Variants in USP28 observed in about 807,000 individuals in gnomAD.
The protein encoded by USP28 is ubiquitin specific peptidase 28, also known as ubiquitin carboxyl-terminal hydrolase 28.
In USP28, 113 loss-of-function variants were observed where a neutral mutation model predicts 145.0. The ratio of observed to expected loss-of-function variants is 0.78; its 90% CI spans 0.67 to 0.91. The LOEUF is 0.91. USP28 is among the 40% of genes least tolerant of loss of function. USP28 has a pLI of 0.00. For missense variants in USP28, 1,201 were observed against 1,289.6 expected (o/e 0.93, Z 1.05); for synonymous variants, 447 against 450.9 (o/e 0.99, Z 0.11).
In USP28 at chr11:113,857,321, T is replaced by C. The variant is rs144060546; in HGVS notation, c.58-2986A>G. Reference sequence around the variant, plus strand: ...TTCTGGGTTGCATAAAGCACTTGACTGTAGCTTTGCAAGAAAATCTGAAAC... The same window carrying C: ...TTCTGGGTTGCATAAAGCACTTGACCGTAGCTTTGCAAGAAAATCTGAAAC... On this transcript the variant is annotated intron_variant, in intron 1 of 24. Transcript: ENST00000003302. Among the ~76,000 whole-genome samples, 325 of 152,354 alleles carry C rather than the reference T, an allele frequency of 2.1e-3. 3 individuals are homozygous for C. Among genetic ancestry groups the C allele is most frequent in the Admixed American group, 0.018 (271 of 15,302 alleles).
rs755581349 is a variant in USP28, at chr11:113,840,766, T to C, written c.375-9A>G. 6.2e-7 allele frequency: 1 copy of C among 1,610,444 alleles called. No homozygotes were observed. The highest frequency in any genetic ancestry group is 8.5e-7 in the Non-Finnish European group (1 of 1,178,924). ...AGGTTGCTTCATGCATCCTATATTG[T>C]GCAGCGTGCCACACAGCAAAAAAGA... is the stretch of plus-strand genomic sequence containing the variant. On this transcript the variant is annotated splice_polypyrimidine_tract_variant and intron_variant, in intron 4 of 24. Transcript: ENST00000003302.
chr11:113,814,995 T>C (rs1312858966), intron 14 of USP28, among the ~76,000 whole-genome samples, 179 bp downstream of exon 14: 1 of 151,862 alleles, frequency 6.6e-6, no homozygotes, highest in Non-Finnish European at 1.5e-5. Context: ...GAGGTTTCAG[T>C]GAGCTGAGAT....
exon 11 of USP28, chr11:113,827,289 C>T (rs1365237968): frequency 6.2e-7 from 1 of 1,613,070 alleles, no homozygotes; most frequent in Non-Finnish European, 8.5e-7. Context: ...TCTCTGGCTG[C>T]CCAAGGGACT....
At chr11:113,805,865 G>T (rs1220645570) in intron 19 of USP28, among the ~76,000 whole-genome samples, 2 of 152,176 alleles carry the variant, frequency 1.3e-5, no homozygotes, top group Non-Finnish European at 2.9e-5. Flanking sequence ...CAAGAGAAGA[G>T]AAGTGAACAG....
At chr11:113,834,592 TG>T (rs1371142000) in intron 5 of USP28, among the ~76,000 whole-genome samples, 5 of 152,138 alleles carry the variant, frequency 3.3e-5, no homozygotes, top group Admixed American at 6.6e-5. Flanking sequence ...TGTTTTGGTT[TG>T]GTTTTGTAGA....
intron 15 of USP28, among the ~76,000 whole-genome samples, chr11:113,813,215 C>T (rs938487097): frequency 3.3e-5 from 5 of 152,152 alleles, no homozygotes; most frequent in Non-Finnish European, 5.9e-5. Flanking sequence ...GGGAAGCCTG[C>T]GTTTTACATG....
chr11:113,854,418 T>C (rs1233112655), intron 1 of USP28, 83 bp from the exon 2 acceptor site: 4 of 1,362,414 alleles, frequency 2.9e-6, no homozygotes, highest in Non-Finnish European at 4.1e-6. Flanking sequence ...TAAAAGCATC[T>C]TGGATAAACA....
chr11:113,871,424 C>T (rs138877803), intron 1 of USP28, among the ~76,000 whole-genome samples: 277 of 152,252 alleles, frequency 1.8e-3, no homozygotes, highest in Admixed American at 3.0e-3. Context: ...CTATTTTATA[C>T]AATTTACACA....
intron 1 of USP28, chr11:113,874,678 G>T: frequency 8.1e-7 from 1 of 1,237,196 alleles, no homozygotes; most frequent in South Asian, 1.4e-5. Context: ...AGTAACACTA[G>T]AAGACATGCT....
intron 12 of USP28, among the ~76,000 whole-genome samples, chr11:113,820,044 A>T (rs976238436): frequency 6.6e-6 from 1 of 152,232 alleles, no homozygotes; most frequent in African/African-American, 2.4e-5. Flanking sequence ...TGGGAGTTAA[A>T]ATTTAATATC....
At chr11:113,862,917 C>A (rs1187218419) in intron 1 of USP28, among the ~76,000 whole-genome samples, 8 of 151,992 alleles carry the variant, frequency 5.3e-5, no homozygotes, top group East Asian at 1.9e-4. Context: ...TATAAAAAAA[C>A]CAAGAGTTAA....
At chr11:113,819,765 G>A (rs938675542) in intron 12 of USP28, among the ~76,000 whole-genome samples, 4 of 152,108 alleles carry the variant, frequency 2.6e-5, no homozygotes, top group African/African-American at 9.7e-5. Flanking sequence ...TGTTGCCCAG[G>A]CTGGGGTGCA....
At chr11:113,836,091 G>A (rs956899029) in intron 5 of USP28, among the ~76,000 whole-genome samples, 1 of 151,960 alleles carries the variant, frequency 6.6e-6, no homozygotes, top group Non-Finnish European at 1.5e-5. Flanking sequence ...CAAAAAAAAA[G>A]AAAAACAACA....
At chr11:113,828,706 G>A (rs189221068) in intron 10 of USP28, 43 of 305,394 alleles carry the variant, frequency 1.4e-4, no homozygotes, top group Non-Finnish European at 2.1e-4. Context: ...AACTTCCCCC[G>A]TCTTTCCAAC....
chr11:113,811,792 AAAC>A (rs762816181), intron 16 of USP28, among the ~76,000 whole-genome samples: 96 of 152,362 alleles, frequency 6.3e-4, no homozygotes, highest in Middle Eastern at 3.4e-3. Context: ...ATGTCACTAA[AAAC>A]AACAACAACT....
At chr11:113,803,165 C>A in exon 23 of USP28, 1 of 1,613,628 alleles carries the variant, frequency 6.2e-7, no homozygotes. Context: ...AACCAGAAGG[C>A]ATTTTCTTCG....
exon 2 of USP28, chr11:113,854,273 G>C: frequency 6.2e-7 from 1 of 1,613,986 alleles, no homozygotes; most frequent in Non-Finnish European, 8.5e-7. Context: ...GAGCTTCATG[G>C]AGAAAGGAAG....
At chr11:113,816,967 G>A (rs997438091) in intron 13 of USP28, among the ~76,000 whole-genome samples, 4 of 152,110 alleles carry the variant, frequency 2.6e-5, no homozygotes, top group South Asian at 2.1e-4. Context: ...ATATTAATAC[G>A]TGGGGCGGTG....
chr11:113,823,836 C>T (rs1169043314), intron 11 of USP28, 136 bp from the exon 12 acceptor site: 1 of 608,054 alleles, frequency 1.6e-6, no homozygotes, highest in African/African-American at 1.9e-5. Flanking sequence ...TGACAGCATA[C>T]TCAAGGTTAA....
Sources: allele counts gnomAD v4.1 joint callset (sites outside exome capture counted in the v4.1 genomes callset), GRCh38; gene constraint gnomAD v4.1.1; transcripts MANE v1.5; gene names NCBI Gene and HGNC (gene_info 2026-07-23, HGNC 2026-07-21).